Variants in HSF1 observed in about 807,000 individuals in gnomAD.
HSF1 encodes heat shock factor protein 1.
A neutral mutation model predicts 51.7 loss-of-function variants in HSF1; 32 were observed. The ratio of observed to expected loss-of-function variants is 0.62; its 90% CI spans 0.47 to 0.83. The LOEUF is 0.83. Ranked by LOEUF, HSF1 falls within the 40% of genes least tolerant of loss-of-function variation. The pLI, the probability that HSF1 is intolerant of heterozygous loss-of-function variation, is 0.00. For missense variants in HSF1, 727 were observed against 717.0 expected (o/e 1.01, Z -0.16); for synonymous variants, 396 against 309.7 (o/e 1.28, Z -2.92).
intron 1 of HSF1, among the ~76,000 whole-genome samples, chr8:144,295,263 A>C (rs1815378535): frequency 1.3e-5 from 2 of 152,362 alleles, no homozygotes; most frequent in African/African-American, 2.4e-5. Context: ...CAGAAAGTGA[A>C]GCCTCAGAAC....
intron 9 of HSF1, chr8:144,312,897 G>A: frequency 3.3e-6 from 2 of 610,354 alleles, no homozygotes; most frequent in Non-Finnish European, 5.8e-6. Context: ...TGTGGTCATT[G>A]CCTGTGACAG....
intron 1 of HSF1, among the ~76,000 whole-genome samples, chr8:144,307,268 A>G (rs1816285358): frequency 6.6e-6 from 1 of 152,260 alleles, no homozygotes; most frequent in South Asian, 2.1e-4. Flanking sequence ...AAGTCAAATC[A>G]GAGACAGCCT....
At position 144,311,950 on chromosome 8, in the gene HSF1, C is replaced by G. The variant is rs782465996; in HGVS notation, c.861-13C>G. 3.2e-6 allele frequency: 5 copies of G among 1,579,980 alleles called. No individual in the cohort carries two copies. The highest frequency in any genetic ancestry group is 4.3e-6 in the Non-Finnish European group (5 of 1,163,404). ...GCCGAGACGCCAGCTCACCTGGCCC[C>G]CCTCGTGTGCAGGCCCCTATCCAGC... On this transcript the variant is annotated splice_polypyrimidine_tract_variant and intron_variant, in intron 8 of 12. Coordinates refer to ENST00000528838, the MANE Select transcript of HSF1 (RefSeq NM_005526.4).
chr8:144,312,267 C>G, intron 9 of HSF1, 23 bp downstream of exon 9: 1 of 1,537,724 alleles, frequency 6.5e-7, no homozygotes, highest in Non-Finnish European at 8.8e-7. Flanking sequence ...CACCCCTGGC[C>G]CCACCCACAG....
At chr8:144,310,305 C>G (rs782648518) in intron 4 of HSF1, 2 of 171,198 alleles carry the variant, frequency 1.2e-5, no homozygotes, top group South Asian at 3.0e-4. Context: ...CTCGCCTGGG[C>G]CCATGGAGCT....
At chr8:144,292,073 G>C (rs1258118364) in intron 1 of HSF1, among the ~76,000 whole-genome samples, 199 bp downstream of exon 1, 2 of 152,252 alleles carry the variant, frequency 1.3e-5, no homozygotes, top group Non-Finnish European at 2.9e-5. Context: ...AAGCGGCTAC[G>C]AGACCCACAC....
chr8:144,308,208 C>A (rs1197041942), intron 1 of HSF1, among the ~76,000 whole-genome samples: 1 of 152,224 alleles, frequency 6.6e-6, no homozygotes, highest in Non-Finnish European at 1.5e-5. Context: ...GGCCCCCCTT[C>A]CCCGCCGTGT....
At chr8:144,312,594 C>T (rs1816755240) in intron 9 of HSF1, 4 of 1,510,734 alleles carry the variant, frequency 2.6e-6, no homozygotes, top group Middle Eastern at 1.7e-4. Context: ...CAGCCCCTGC[C>T]TGCAATGGGG....
chr8:144,313,430 A>G, intron 9 of HSF1, 81 bp from the exon 10 acceptor site: 2 of 922,372 alleles, frequency 2.2e-6, no homozygotes, highest in East Asian at 2.6e-5. Flanking sequence ...GGTACAGTCA[A>G]GGGGAGCCCT....
At chr8:144,305,406 T>A (rs1297096742) in intron 1 of HSF1, among the ~76,000 whole-genome samples, 1 of 151,662 alleles carries the variant, frequency 6.6e-6, no homozygotes, top group African/African-American at 2.4e-5. Flanking sequence ...TTCAAGCGAT[T>A]CTCTTGCCTC....
At position 144,314,339 on chromosome 8, in the gene HSF1, G is replaced by A. The variant is rs1554846260; in HGVS notation, c.*9G>A. 44 of 1,543,050 alleles carry A rather than the reference G, an allele frequency of 2.9e-5. No individual in the cohort carries two copies. Among genetic ancestry groups the A allele is most frequent in the Non-Finnish European group, 3.8e-5 (43 of 1,141,070 alleles). Reference sequence around the variant, plus strand: ...ACCCCACTGTCTCCTAGAGGCCCCGGAGGAGCTGGGCCAGCCGCCCACCCC... The same window carrying A: ...ACCCCACTGTCTCCTAGAGGCCCCGAAGGAGCTGGGCCAGCCGCCCACCCC... On this transcript the variant is annotated 3_prime_UTR_variant, in exon 13 of 13. Transcript: ENST00000528838.
At chr8:144,293,300 T>C (rs1198001282) in intron 1 of HSF1, among the ~76,000 whole-genome samples, 2 of 152,208 alleles carry the variant, frequency 1.3e-5, no homozygotes, top group East Asian at 3.8e-4. Context: ...GTGTTGGCCT[T>C]CCCATCCCCA....
rs370103805 is a variant in HSF1, at chr8:144,312,194, C to G, written c.1092C>G (p.Pro364=). Residue 364 remains proline, a synonymous_variant, in exon 9 of 13, where the codon CCC becomes CCG. Coordinates refer to ENST00000528838, the MANE Select transcript of HSF1 (RefSeq NM_005526.4). ...HTDTEGRPPS[P]PPTSTPEKCL... ...ACACCGAGGGCCGGCCTCCCTCCCC[C>G]CCGCCCACCTCCACCCCTGAAAAGT... 2.9e-5 allele frequency: 46 copies of G among 1,593,828 alleles called. 1 individual carries two copies. The highest frequency in any genetic ancestry group is 3.5e-4 in the Middle Eastern group (2 of 5,646).
intron 1 of HSF1, among the ~76,000 whole-genome samples, chr8:144,300,045 G>A (rs782103667): frequency 2.0e-5 from 3 of 152,148 alleles, no homozygotes; most frequent in Non-Finnish European, 4.4e-5. Flanking sequence ...AGGAGGTGAT[G>A]CTTAACTCCT....
intron 1 of HSF1, chr8:144,292,381 G>A (rs1815150433): frequency 1.3e-5 from 2 of 152,398 alleles, no homozygotes; most frequent in South Asian, 4.1e-4. Context: ...GAAGCTTCAG[G>A]TTGATCTCAA....
Position 144,309,059 on chromosome 8 carries a change from T to A in HSF1, c.226+45T>A. ...AGCGCAGGGGTGCGGGAGGCAGACC[T>A]GCAGATGGCGGGACCCCAGCAGGAG... is the stretch of plus-strand genomic sequence containing the variant. On this transcript the variant is annotated intron_variant, in intron 2 of 12. Transcript: ENST00000528838. 2.1e-6 allele frequency: 3 copies of A among 1,423,270 alleles called. No homozygotes were observed. The South Asian group carries it at 3.4e-5, about 16-fold the overall frequency. 88.2% of individuals were successfully genotyped at this position (1,423,270 alleles called of 1,614,324 possible).
intron 9 of HSF1, 31 bp from the exon 10 acceptor site, chr8:144,313,480 C>A: frequency 6.9e-7 from 1 of 1,448,386 alleles, no homozygotes. Context: ...GCCTGGGGCA[C>A]TGGTTCAGGT....
chr8:144,311,537 A>T lies in HSF1; in HGVS notation c.659A>T (p.His220Leu). ...PLMLNDSGSA[H>L]SMPKYSRQFS... The stretch of plus-strand genomic sequence containing the variant: ...ATGCTGAACGACAGTGGCTCAGCAC[A>T]TTCCATGCCCAAGTATAGCCGGCAG... The change falls in exon 7 of 13, where the codon CAT becomes CTT. Residue 220 changes from histidine to leucine, a missense_variant. Physicochemically the swap from His to Leu is moderately conservative, Grantham distance 99. This residue lies in a region of HSF1 where 257 missense variants were observed against 318.3 expected (regional missense o/e 0.81). Coordinates refer to ENST00000528838, the MANE Select transcript of HSF1 (RefSeq NM_005526.4). 6.2e-7 allele frequency: 1 copy of T among 1,613,670 alleles called. No individual in the cohort carries two copies. Among genetic ancestry groups the T allele is most frequent in the Non-Finnish European group, 8.5e-7 (1 of 1,179,958 alleles).
Position 144,311,750 on chromosome 8 carries a change from G to C in HSF1, c.774G>C (p.Val258=). 4 of 1,612,858 alleles carry C rather than the reference G, an allele frequency of 2.5e-6. No individual in the cohort carries two copies. Among genetic ancestry groups the C allele is most frequent in the Non-Finnish European group, 3.4e-6 (4 of 1,179,754 alleles). Residue 258 remains valine (V), a synonymous_variant, in exon 8 of 13, where the codon GTG becomes GTC. Transcript: ENST00000528838. ...CCAGCCTCTACGCCCCTGATGCTGT[G>C]GCCAGCTCTGGACCCATCATCTCCG... ...SSSSLYAPDA[V]ASSGPIISDI...
Sources: gnomAD v4.1 joint callset for allele counts (sites outside exome capture counted in the v4.1 genomes callset) on GRCh38, gnomAD v4.1.1 for gene constraint, gnomAD v4.1.1 regional missense constraint, MANE v1.5 for transcripts, NCBI Gene and HGNC (gene_info 2026-07-23, HGNC 2026-07-21) for gene names.